ENPP1: variants seen among roughly 807,000 people sequenced by gnomAD.
The protein encoded by ENPP1 is ectonucleotide pyrophosphatase/phosphodiesterase family member 1.
In ENPP1, 73 loss-of-function variants were observed where a neutral mutation model predicts 122.8. That is an observed-to-expected ratio of 0.59 (90% CI 0.49 to 0.72). The LOEUF is 0.72. Ranked by LOEUF, ENPP1 falls within the 30% of genes least tolerant of loss-of-function variation. ENPP1 has a pLI of 0.00. For missense variants in ENPP1, 978 were observed against 1,128.1 expected (o/e 0.87, Z 1.91); for synonymous variants, 367 against 391.6 (o/e 0.94, Z 0.74).
At chr6:131,872,847 A>G in intron 14 of ENPP1, 76 bp from the exon 15 acceptor site, 1 of 1,410,354 alleles carries the variant, frequency 7.1e-7, no homozygotes, top group Non-Finnish European at 1.0e-6. Context: ...CCTAATAAAT[A>G]TCTTTCCCTA....
intron 1 of ENPP1, among the ~76,000 whole-genome samples, chr6:131,846,545 T>G (rs1344970933): frequency 6.6e-6 from 1 of 152,122 alleles, no homozygotes; most frequent in Non-Finnish European, 1.5e-5. Flanking sequence ...CTGATCTCCC[T>G]CTCCCTAACC....
intron 1 of ENPP1, among the ~76,000 whole-genome samples, chr6:131,818,892 T>G (rs1394248385): frequency 6.6e-6 from 1 of 152,200 alleles, no homozygotes; most frequent in Non-Finnish European, 1.5e-5. Flanking sequence ...TTAGACTTAT[T>G]TATTTGACAT....
In ENPP1 at chr6:131,878,338, C is replaced by G. The variant is rs75254665; in HGVS notation, c.1894-204C>G. On this transcript the variant is annotated intron_variant, in intron 18 of 24. Coordinates refer to ENST00000647893, the MANE Select transcript of ENPP1 (RefSeq NM_006208.3). ...TTGAGCCCAGTAGGCCAAGGCTGCA[C>G]TGAGTCATGATTGCACCACTGCACA... Among the ~76,000 whole-genome samples, 2,091 of 152,002 alleles carry G rather than the reference C, an allele frequency of 0.014. 53 individuals carry two copies. The highest frequency in any genetic ancestry group is 0.048 in the African/African-American group (1,998 of 41,442).
At chr6:131,824,374 G>T (rs533402185) in intron 1 of ENPP1, among the ~76,000 whole-genome samples, 1 of 152,244 alleles carries the variant, frequency 6.6e-6, no homozygotes, top group African/African-American at 2.4e-5. Context: ...GATGGCTGGT[G>T]TGCAGCGCTG....
At position 131,864,425 on chromosome 6, in the gene ENPP1, G is replaced by A; in HGVS notation, c.1026-81G>A. ...GAAATAGCATTTAGTAGCTCTTAAT[G>A]ACATTTTCAATGAAAAAAACTATAT... On this transcript the variant is annotated intron_variant, in intron 9 of 24. Transcript: ENST00000647893. 3 of 899,270 alleles carry A rather than the reference G, an allele frequency of 3.3e-6. No individual in the cohort carries two copies. In the South Asian group the frequency reaches 4.2e-5, roughly 13 times the overall value. The allele number at this position is 899,270 out of a possible 1,614,324, so 55.7% of individuals were successfully genotyped here.
At chr6:131,851,383 T>G in intron 4 of ENPP1, 116 bp downstream of exon 4, 1 of 1,311,256 alleles carries the variant, frequency 7.6e-7, no homozygotes, top group Non-Finnish European at 1.1e-6. Flanking sequence ...CTATATTAGC[T>G]GAAAAAAATA....
chr6:131,851,119 A>C (rs200746177), intron 3 of ENPP1, 23 bp from the exon 4 acceptor site: 1 of 1,613,390 alleles, frequency 6.2e-7, no homozygotes, highest in African/African-American at 1.3e-5. Flanking sequence ...CATAAAACAC[A>C]TTTTGCTGAT....
intron 1 of ENPP1, chr6:131,827,674 A>G (rs896183896): frequency 3.1e-6 from 2 of 646,762 alleles, no homozygotes; most frequent in African/African-American, 3.6e-5. Flanking sequence ...CTTCTGCTCT[A>G]CGTGCATGCG....
At chr6:131,817,031 C>T (rs1781422565) in intron 1 of ENPP1, among the ~76,000 whole-genome samples, 1 of 152,084 alleles carries the variant, frequency 6.6e-6, no homozygotes, top group Admixed American at 6.5e-5. Flanking sequence ...TGGAATGGAC[C>T]CAAAGAATCC....
chr6:131,847,167 G>T (rs1454851631), intron 1 of ENPP1, among the ~76,000 whole-genome samples: 1 of 152,182 alleles, frequency 6.6e-6, no homozygotes, highest in Non-Finnish European at 1.5e-5. Flanking sequence ...GTTTGGGTTT[G>T]TGTAGAACTG....
chr6:131,874,502 T>A (rs1782203024), intron 16 of ENPP1, among the ~76,000 whole-genome samples, 165 bp downstream of exon 16: 1 of 152,072 alleles, frequency 6.6e-6, no homozygotes, highest in Admixed American at 6.6e-5. Context: ...TTGTTAAAGT[T>A]TTATATTCAT....
chr6:131,855,090 T>A, intron 6 of ENPP1, 67 bp downstream of exon 6: 2 of 1,183,530 alleles, frequency 1.7e-6, no homozygotes, highest in East Asian at 4.7e-5. Flanking sequence ...GCAGGCAGTC[T>A]TTCTTGGAAA....
intron 24 of ENPP1, among the ~76,000 whole-genome samples, chr6:131,889,706 T>C (rs1441575569): frequency 6.6e-6 from 1 of 152,214 alleles, no homozygotes; most frequent in African/African-American, 2.4e-5. Context: ...GGCACTTAAG[T>C]TGATTCCATG....
chr6:131,877,011 G>T lies in ENPP1; in HGVS notation c.1743G>T (p.Pro581=). The T allele has an allele frequency of 6.2e-7, 1 of 1,613,910 alleles. No individual in the cohort carries two copies. Among genetic ancestry groups the T allele is most frequent in the Non-Finnish European group, 8.5e-7 (1 of 1,179,924 alleles). Reference sequence around the variant, plus strand: ...ATGCAGATTTACTGAATTTGACACCGGCTCCTAATAACGGAACTCATGGAA... The same window carrying T: ...ATGCAGATTTACTGAATTTGACACCTGCTCCTAATAACGGAACTCATGGAA... ...NLMCDLLNLT[P]APNNGTHGSL... The change falls in exon 18 of 25, where the codon CCG becomes CCT. Residue 581 remains proline, a synonymous_variant. Transcript: ENST00000647893.
At chr6:131,826,265 T>G (rs10457576) in intron 1 of ENPP1, 4 of 1,160,448 alleles carry the variant, frequency 3.4e-6, no homozygotes, top group Non-Finnish European at 3.9e-6. Context: ...TTGTTGTTGG[T>G]TACAGCACAG....
chr6:131,884,967 A>C lies in ENPP1; in HGVS notation c.2348A>C (p.Lys783Thr), dbSNP rs1782357226. 1 of 1,614,124 alleles carries C rather than the reference A, an allele frequency of 6.2e-7. No homozygotes were observed. The highest frequency in any genetic ancestry group is 1.1e-5 in the South Asian group (1 of 91,076). ...WRYFHDTLLR[K>T]YAEERNGVNV... ...TACTTTCATGACACCCTACTGCGAA[A>C]GTATGCTGAAGAAAGAAATGGTGTC... Residue 783 changes from lysine (K) to threonine (T), a missense_variant, in exon 23 of 25, where the codon AAG (lysine) becomes ACG (threonine). Transcript: ENST00000647893.
chr6:131,828,289 T>C, intron 1 of ENPP1: 1 of 532,786 alleles, frequency 1.9e-6, no homozygotes, highest in Non-Finnish European at 3.7e-6. Flanking sequence ...GCTGGAGAGC[T>C]CCAGCCAGCA....
At chr6:131,855,867 T>A (rs560228014) in intron 6 of ENPP1, among the ~76,000 whole-genome samples, 1 of 152,142 alleles carries the variant, frequency 6.6e-6, no homozygotes, top group South Asian at 2.1e-4. Context: ...AAGTTTTAAA[T>A]CACGTTAACA....
At chr6:131,839,156 C>A (rs545556082) in intron 1 of ENPP1, among the ~76,000 whole-genome samples, 1 of 152,108 alleles carries the variant, frequency 6.6e-6, no homozygotes, top group East Asian at 1.9e-4. Context: ...TGATGTGAAT[C>A]GGTATGAGCC....
Sources: gnomAD v4.1 joint callset for allele counts (sites outside exome capture counted in the v4.1 genomes callset) on GRCh38, gnomAD v4.1.1 for gene constraint, MANE v1.5 for transcripts, NCBI Gene and HGNC (gene_info 2026-07-23, HGNC 2026-07-21) for gene names.